Variants in C10orf143 observed in about 807,000 individuals in gnomAD.
C10orf143 encodes the protein uncharacterized protein C10orf143.
At position 130,056,551 on chromosome 10, in the gene C10orf143, T is replaced by A. The variant is rs552597896; in HGVS notation, c.298-20581A>T. Among the ~76,000 whole-genome samples, 32 of 151,978 alleles carry A rather than the reference T, an allele frequency of 2.1e-4. No individual in the cohort carries two copies. Among genetic ancestry groups the A allele is most frequent in the Non-Finnish European group, 4.1e-4 (28 of 67,960 alleles). On this transcript the variant is annotated intron_variant and NMD_transcript_variant, in intron 3 of 5. Transcript: ENST00000643056. This position sits in a 1 kb window ranked among gnomAD's most constrained non-coding sequence, Gnocchi z 4.6. ...AAGGGAAGGGTTGAGCCATTGAGAG[T>A]TTTTTATTTCTTTCATTTTTTTAAA...
chr10:130,083,459 A>G (rs1861239832), intron 1 of C10orf143, among the ~76,000 whole-genome samples: 1 of 152,230 alleles, frequency 6.6e-6, no homozygotes, highest in East Asian at 1.9e-4. Context: ...TTGCACAGTT[A>G]TTCAATAGTG....
chr10:130,073,160 GTTGTT>G (rs1861059398), intron 3 of C10orf143, among the ~76,000 whole-genome samples: 1 of 152,154 alleles, frequency 6.6e-6, no homozygotes, highest in Non-Finnish European at 1.5e-5. Context: ...CTCCGTGGGG[GTTGTT>G]TTATCTCCAA....
At chr10:130,042,798 G>A (rs1159220710) in intron 3 of C10orf143, among the ~76,000 whole-genome samples, 1 of 152,184 alleles carries the variant, frequency 6.6e-6, no homozygotes, top group Non-Finnish European at 1.5e-5. Flanking sequence ...GGAAAGCAAC[G>A]CTTGGAAAGG....
chr10:130,079,938 A>G (rs549386855), intron 1 of C10orf143, 37 bp from the exon 2 acceptor site: 2 of 398,642 alleles, frequency 5.0e-6, no homozygotes, highest in East Asian at 7.1e-5. Context: ...ATGGTCTCAT[A>G]AAGCACACAA....
intron 1 of C10orf143, among the ~76,000 whole-genome samples, chr10:130,083,637 T>C (rs1861242627): frequency 6.6e-6 from 1 of 152,160 alleles, no homozygotes; most frequent in African/African-American, 2.4e-5. Context: ...AACAACAAAG[T>C]GCAAAAGAGT....
At chr10:130,040,579 C>G (rs1860595074) in intron 3 of C10orf143, among the ~76,000 whole-genome samples, 1 of 152,212 alleles carries the variant, frequency 6.6e-6, no homozygotes, top group Admixed American at 6.5e-5. Flanking sequence ...GGCGTGCTGG[C>G]TCACGCCTGG....
At chr10:130,106,526 C>T in intron 1 of C10orf143, 1 of 1,598,170 alleles carries the variant, frequency 6.3e-7, no homozygotes, top group Non-Finnish European at 8.6e-7. Flanking sequence ...TAAACATTCG[C>T]AACAAAATGA....
chr10:130,072,575 T>A (rs1861050431), intron 3 of C10orf143, among the ~76,000 whole-genome samples: 1 of 152,234 alleles, frequency 6.6e-6, no homozygotes, highest in African/African-American at 2.4e-5. Context: ...CACTTTTAGT[T>A]CTTTTTAAAA....
chr10:130,056,471 G>C lies in C10orf143; in HGVS notation c.298-20501C>G, dbSNP rs1590009510. Among the ~76,000 whole-genome samples the C allele has an allele frequency of 6.6e-6, 1 of 152,188 alleles. No individual in the cohort carries two copies. The highest frequency in any genetic ancestry group is 1.9e-4 in the East Asian group (1 of 5,204). ...GTGGGTGACTGAGAACTCATACTTG[G>C]CTGGTCCATAGTCAGTGAGAAATGA... On this transcript the variant is annotated intron_variant and NMD_transcript_variant, in intron 3 of 5. Transcript: ENST00000643056. This position sits in a 1 kb window ranked among gnomAD's most constrained non-coding sequence, Gnocchi z 4.6.
rs548945271 is a variant in C10orf143, at chr10:130,056,016, T to C, written c.298-20046A>G. 3.6e-5 allele frequency among the ~76,000 whole-genome samples: 5 copies of C among 139,452 alleles called. No individual in the cohort carries two copies. The highest frequency in any genetic ancestry group is 7.8e-5 in the Non-Finnish European group (5 of 64,218). 91.5% of individuals were successfully genotyped at this position (139,452 alleles called of 152,430 possible). On this transcript the variant is annotated intron_variant and NMD_transcript_variant, in intron 3 of 5. Coordinates refer to the C10orf143 transcript ENST00000643056. This position sits in a 1 kb window ranked among gnomAD's most constrained non-coding sequence, Gnocchi z 4.6. ...AAAATGGGCCTTATCAGAAGAGTGA[T>C]GAAATAGATCATTTTAACTGAAAAA...
chr10:130,091,373 C>CAACAGAAAGCATCAACATT (rs1861380313), intron 1 of C10orf143, among the ~76,000 whole-genome samples: 1 of 152,162 alleles, frequency 6.6e-6, no homozygotes, highest in Non-Finnish European at 1.5e-5. Flanking sequence ...GCATCAACAT[C>CAACAGAAAGCATCAACATT]AACAAAAAGG....
intron 3 of C10orf143, among the ~76,000 whole-genome samples, chr10:130,077,559 G>A (rs1464362656): frequency 6.6e-6 from 1 of 152,246 alleles, no homozygotes; most frequent in African/African-American, 2.4e-5. Context: ...GGCATCATGG[G>A]AGAGTGGGCA....
chr10:130,107,912 G>C, intron 1 of C10orf143: 1 of 1,359,664 alleles, frequency 7.4e-7, no homozygotes, highest in Admixed American at 1.7e-5. Context: ...ACAAAGGCAA[G>C]ACAGATTTTA....
intron 3 of C10orf143, among the ~76,000 whole-genome samples, chr10:130,040,306 C>T (rs1285596668): frequency 2.0e-5 from 3 of 152,196 alleles, no homozygotes; most frequent in East Asian, 1.9e-4. Context: ...TGCCTGTCCC[C>T]GTATATGGAC....
intron 3 of C10orf143, among the ~76,000 whole-genome samples, chr10:130,074,911 C>A (rs764869604): frequency 1.3e-5 from 2 of 152,028 alleles, no homozygotes; most frequent in African/African-American, 4.8e-5. Flanking sequence ...TCTACTCCTA[C>A]GTTGGCTGAC....
intron 3 of C10orf143, among the ~76,000 whole-genome samples, chr10:130,045,906 C>T (rs767238406): frequency 3.9e-5 from 6 of 152,042 alleles, no homozygotes; most frequent in South Asian, 2.1e-4. Flanking sequence ...CTGCCACGTG[C>T]GGGGGAGAAA....
At chr10:130,108,192 C>A (rs753343771) in intron 1 of C10orf143, 1 of 1,567,996 alleles carries the variant, frequency 6.4e-7, no homozygotes, top group Non-Finnish European at 8.8e-7. Context: ...AGAGCACCTC[C>A]TTTCCCCCCA....
At chr10:130,048,294 C>T (rs1860699357) in intron 3 of C10orf143, among the ~76,000 whole-genome samples, 1 of 152,214 alleles carries the variant, frequency 6.6e-6, no homozygotes, top group African/African-American at 2.4e-5. Context: ...CCTCCCTGGA[C>T]CCACCTGCCT....
chr10:130,048,567 T>C (rs1260877921), intron 3 of C10orf143, among the ~76,000 whole-genome samples: 1 of 152,088 alleles, frequency 6.6e-6, no homozygotes, highest in African/African-American at 2.4e-5. Context: ...GCCCAAAGAA[T>C]TGAGACGTGC....
Sources: allele counts gnomAD v4.1 joint callset (sites outside exome capture counted in the v4.1 genomes callset), GRCh38; gene constraint gnomAD v4.1.1; non-coding constraint Gnocchi (gnomAD v3.1); transcripts MANE v1.5; gene names NCBI Gene and HGNC (gene_info 2026-07-23, HGNC 2026-07-21).